The following STAU2 variants were observed in gnomAD, a reference collection of about 807,000 sequenced individuals.
STAU2 encodes double-stranded RNA-binding protein Staufen homolog 2.
STAU2 carries 20 observed loss-of-function variants against 65.9 expected under a neutral mutation model. The ratio of observed to expected loss-of-function variants is 0.30; its 90% confidence interval spans 0.21 to 0.44. The LOEUF (loss-of-function observed/expected upper bound fraction) is 0.44, where lower values mean the gene tolerates loss of function less well. STAU2 is among the 20% of genes least tolerant of loss of function. The probability of loss-of-function intolerance (pLI) is 1.00; values close to 1 mark genes in which losing one functional copy is unlikely to be tolerated. For missense variants in STAU2, 558 were observed against 683.9 expected (o/e 0.82, Z 2.05); for synonymous variants, 232 against 233.9 (o/e 0.99, Z 0.07).
At chr8:73,590,690 C>T (rs922336291) in intron 11 of STAU2, 2 of 152,310 alleles carry the variant, frequency 1.3e-5, no homozygotes, top group African/African-American at 2.4e-5. Context: ...GCACACAAAG[C>T]TTGTGTAAGA....
At chr8:73,570,512 T>C (rs1353582472) in intron 12 of STAU2, among the ~76,000 whole-genome samples, 1 of 152,206 alleles carries the variant, frequency 6.6e-6, no homozygotes, top group South Asian at 2.1e-4. Context: ...CGGAACCAAG[T>C]TGGAAAACAC....
chr8:73,630,184 A>G (rs1430021794), intron 6 of STAU2, among the ~76,000 whole-genome samples: 1 of 152,232 alleles, frequency 6.6e-6, no homozygotes, highest in African/African-American at 2.4e-5. Context: ...TGGGGAATGC[A>G]CTATGTGGAT....
chr8:73,620,575 G>A (rs1813153999), intron 6 of STAU2, among the ~76,000 whole-genome samples: 1 of 152,136 alleles, frequency 6.6e-6, no homozygotes, highest in South Asian at 2.1e-4. Flanking sequence ...ACACCAAAGA[G>A]CCCTTGGGGC....
intron 5 of STAU2, among the ~76,000 whole-genome samples, chr8:73,688,121 C>A (rs898123288): frequency 3.3e-5 from 5 of 151,476 alleles, no homozygotes; most frequent in Non-Finnish European, 7.4e-5. Context: ...TTTATAGTAT[C>A]CACTAAAGCA....
At chr8:73,649,874 TATATATA>T (rs1815717957) in intron 6 of STAU2, among the ~76,000 whole-genome samples, 9 of 113,012 alleles carry the variant, frequency 8.0e-5, no homozygotes, top group South Asian at 5.7e-4. Context: ...TAATTTTATA[TATATATA>T]TATATATATA....
At chr8:73,720,157 C>T (rs1190670748) in intron 3 of STAU2, among the ~76,000 whole-genome samples, 1 of 151,828 alleles carries the variant, frequency 6.6e-6, no homozygotes, top group Non-Finnish European at 1.5e-5. Flanking sequence ...GTAGCATGTG[C>T]CTGAAGTCCC....
chr8:73,668,894 A>T, intron 6 of STAU2: 2 of 585,766 alleles, frequency 3.4e-6, no homozygotes, highest in Non-Finnish European at 6.1e-6. Flanking sequence ...GAGGGTGGTA[A>T]AACAGCATAG....
chr8:73,549,837 T>C (rs1449029049), intron 13 of STAU2: 2 of 933,394 alleles, frequency 2.1e-6, no homozygotes, highest in East Asian at 2.3e-4. Flanking sequence ...AGTAACAGAA[T>C]AGTGTATAAT....
chr8:73,555,615 C>G (rs1268050846), intron 12 of STAU2, among the ~76,000 whole-genome samples: 1 of 151,748 alleles, frequency 6.6e-6, no homozygotes, highest in Non-Finnish European at 1.5e-5. Context: ...AAAAAAAATA[C>G]AAAATTTAAA....
chr8:73,576,385 T>TA (rs1809557197), intron 12 of STAU2, among the ~76,000 whole-genome samples: 2 of 151,770 alleles, frequency 1.3e-5, no homozygotes, highest in Admixed American at 6.6e-5. Flanking sequence ...CAATATACCA[T>TA]ACGACGCTAT....
chr8:73,704,865 C>T (rs1449544550), intron 4 of STAU2, among the ~76,000 whole-genome samples: 2 of 152,046 alleles, frequency 1.3e-5, no homozygotes, highest in Non-Finnish European at 2.9e-5. Flanking sequence ...GACAGGGTTT[C>T]GCCATTTTGA....
chr8:73,427,010 C>A (rs1034223100), intron 13 of STAU2, among the ~76,000 whole-genome samples: 1 of 149,746 alleles, frequency 6.7e-6, no homozygotes, highest in Non-Finnish European at 1.5e-5. Context: ...CCCACCACAA[C>A]CTCTGCCTCC....
At chr8:73,597,818 C>T (rs1204295642) in intron 10 of STAU2, among the ~76,000 whole-genome samples, 1 of 151,742 alleles carries the variant, frequency 6.6e-6, no homozygotes, top group Non-Finnish European at 1.5e-5. Flanking sequence ...ACTAAAACTA[C>T]TAATGAAATC....
intron 13 of STAU2, among the ~76,000 whole-genome samples, chr8:73,534,201 A>G (rs919411900): frequency 6.6e-6 from 1 of 152,204 alleles, no homozygotes; most frequent in African/African-American, 2.4e-5. Context: ...CCTTGCACAG[A>G]AGAGTACAGG....
intron 3 of STAU2, among the ~76,000 whole-genome samples, chr8:73,730,834 G>A (rs1806010781): frequency 6.6e-6 from 1 of 151,728 alleles, no homozygotes; most frequent in Non-Finnish European, 1.5e-5. Flanking sequence ...CTGTTGTTGA[G>A]GTCCTCTAGT....
At chr8:73,455,794 A>C (rs574111592) in intron 13 of STAU2, among the ~76,000 whole-genome samples, 2 of 152,222 alleles carry the variant, frequency 1.3e-5, no homozygotes, top group South Asian at 4.2e-4. Context: ...AATATGTGAG[A>C]CTACAACGTG....
At chr8:73,738,835 C>A (rs534508125) in intron 2 of STAU2, among the ~76,000 whole-genome samples, 2 of 152,330 alleles carry the variant, frequency 1.3e-5, no homozygotes, top group South Asian at 2.1e-4. Context: ...AGATGCAACA[C>A]CACAAGTATT....
chr8:73,453,742 C>T (rs1050408263), intron 13 of STAU2, among the ~76,000 whole-genome samples: 13 of 151,122 alleles, frequency 8.6e-5, no homozygotes, highest in African/African-American at 3.2e-4. Context: ...ATTTTTATAC[C>T]AACAAGAAAT....
intron 11 of STAU2, among the ~76,000 whole-genome samples, chr8:73,589,256 T>C (rs1458680330): frequency 1.3e-5 from 2 of 152,202 alleles, no homozygotes; most frequent in Admixed American, 6.5e-5. Context: ...TATGCTGATT[T>C]CTCAACAAAT....
Sources: gnomAD v4.1 joint callset for allele counts (sites outside exome capture counted in the v4.1 genomes callset) on GRCh38, gnomAD v4.1.1 for gene constraint, MANE v1.5 for transcripts, NCBI Gene and HGNC (gene_info 2026-07-23, HGNC 2026-07-21) for gene names.